The following IHO1 variants were observed in gnomAD, a reference collection of about 807,000 sequenced individuals.
The protein encoded by IHO1 is interactor of HORMAD1 protein 1.
Under a neutral mutation model 31.0 loss-of-function variants are expected in IHO1, and 13 were observed. The ratio of observed to expected loss-of-function variants is 0.42; its 90% CI spans 0.27 to 0.67. The LOEUF is 0.67. Among genes scored for constraint, IHO1 ranks in the 30% least tolerant of loss-of-function variants. The probability of loss-of-function intolerance (pLI) is 0.24; values close to 1 mark genes in which losing one functional copy is unlikely to be tolerated. For missense variants in IHO1, 599 were observed against 687.5 expected (o/e 0.87, Z 1.44); for synonymous variants, 221 against 248.4 (o/e 0.89, Z 1.04).
rs78286973 is a variant in IHO1, at chr3:49,249,876, G to A, written c.532+5143G>A. 1.3e-3 allele frequency among the ~76,000 whole-genome samples: 194 copies of A among 152,292 alleles called. 6 individuals are homozygous for A. The East Asian group carries it at 0.036, about 28-fold the overall frequency. ...GCACCTGAGGGAGAATAAAACTACAGAGTAAAAGGAAAATCACTGGCCATC... is the reference window on the plus strand; with the variant it reads ...GCACCTGAGGGAGAATAAAACTACAAAGTAAAAGGAAAATCACTGGCCATC... On this transcript the variant is annotated intron_variant, in intron 6 of 7. Coordinates refer to ENST00000452691, the MANE Select transcript of IHO1 (RefSeq NM_001135197.2).
Position 49,256,137 on chromosome 3 carries a change from CAAG to C in IHO1, c.641_643del (p.Gln214_Gly215delinsArg). The C allele has an allele frequency of 6.2e-7, 1 of 1,603,314 alleles. No individual in the cohort carries two copies. The highest frequency in any genetic ancestry group is 8.5e-7 in the Non-Finnish European group (1 of 1,174,662). On this transcript the variant is annotated inframe_deletion, in exon 8 of 8. Coordinates refer to ENST00000452691, the MANE Select transcript of IHO1 (RefSeq NM_001135197.2). The surrounding 1 kb of genome is among the most constrained non-coding windows in gnomAD (Gnocchi z 4.6). Reference sequence around the variant, plus strand: ...TTCTCACTGCCTCTCTCCCCAGAGACAAGGAGAGTTTATAGAAATGAAGTCCAA... The same window carrying C: ...TTCTCACTGCCTCTCTCCCCAGAGACGAGAGTTTATAGAAATGAAGTCCAA...
At chr3:49,203,080 G>A (rs2046091342) in intron 1 of IHO1, among the ~76,000 whole-genome samples, 1 of 151,790 alleles carries the variant, frequency 6.6e-6, no homozygotes, top group African/African-American at 2.4e-5. Context: ...TTGCCCAGGT[G>A]GGTCTTGAAC....
intron 6 of IHO1, chr3:49,245,251 A>G (rs1356165285): frequency 2.5e-5 from 4 of 159,080 alleles, no homozygotes; most frequent in Admixed American, 1.3e-4. Flanking sequence ...CAGTGGCGCA[A>G]TCTCGGCTCA....
At chr3:49,211,491 C>T (rs1006289817) in intron 1 of IHO1, among the ~76,000 whole-genome samples, 2 of 151,612 alleles carry the variant, frequency 1.3e-5, no homozygotes, top group Admixed American at 6.6e-5. Context: ...CAAAAATTAG[C>T]CAGGTGTGGT....
chr3:49,199,824 G>GACCTCCTATCCCA (rs1212861445), intron 1 of IHO1: 2 of 152,232 alleles, frequency 1.3e-5, no homozygotes, highest in African/African-American at 4.8e-5. Context: ...AGGGGTCCGC[G>GACCTCCTATCCCA]ACCTCCTATC....
chr3:49,196,740 A>G (rs1360454838), upstream of IHO1, among the ~76,000 whole-genome samples: 8 of 130,636 alleles, frequency 6.1e-5, no homozygotes, highest in East Asian at 5.0e-4. Context: ...GTGCGATCTC[A>G]GCTCACTGCA....
intron 3 of IHO1, among the ~76,000 whole-genome samples, chr3:49,241,018 A>G (rs2046624499): frequency 6.6e-6 from 1 of 152,350 alleles, no homozygotes; most frequent in East Asian, 1.9e-4. Context: ...CTGGGCTGGT[A>G]AGGCAAAAAT....
intron 2 of IHO1, among the ~76,000 whole-genome samples, chr3:49,223,104 C>T: frequency 6.6e-6 from 1 of 152,044 alleles, no homozygotes; most frequent in East Asian, 1.9e-4. Context: ...ATGTATTTGA[C>T]CAAGTTGGCC....
chr3:49,216,569 A>G (rs1287714809), intron 2 of IHO1, among the ~76,000 whole-genome samples: 1 of 152,248 alleles, frequency 6.6e-6, no homozygotes, highest in East Asian at 1.9e-4. Flanking sequence ...AATACCATTC[A>G]GGACATAGGC....
chr3:49,231,328 A>AT (rs913014449), intron 2 of IHO1, among the ~76,000 whole-genome samples: 1 of 152,238 alleles, frequency 6.6e-6, no homozygotes, highest in Non-Finnish European at 1.5e-5. Context: ...AACTGTTTCC[A>AT]TTTTTGAAAT....
chr3:49,232,977 A>G (rs1559446697), intron 2 of IHO1, among the ~76,000 whole-genome samples: 2 of 152,212 alleles, frequency 1.3e-5, no homozygotes, highest in Non-Finnish European at 2.9e-5. Context: ...TGAGGCATAC[A>G]GCCCTCAAAA....
chr3:49,255,300 C>A, intron 6 of IHO1, 90 bp from the exon 7 acceptor site: 1 of 860,426 alleles, frequency 1.2e-6, no homozygotes, highest in Non-Finnish European at 1.8e-6. Context: ...CCAGCTCCTC[C>A]CTTTTCACTG....
chr3:49,229,200 G>T (rs533755927), intron 2 of IHO1, among the ~76,000 whole-genome samples: 1 of 152,300 alleles, frequency 6.6e-6, no homozygotes, highest in African/African-American at 2.4e-5. Flanking sequence ...TAGCTAGACA[G>T]AAAAGTTCTC....
At chr3:49,192,047 C>G in the IHO1 span, among the ~76,000 whole-genome samples, 108 of 152,266 alleles carry the variant, frequency 7.1e-4, no homozygotes, top group Non-Finnish European at 1.3e-3. Context: ...ATGGTAGAGT[C>G]TAATGGATTC....
chr3:49,203,385 C>T (rs1338097068), intron 1 of IHO1, among the ~76,000 whole-genome samples: 1 of 152,044 alleles, frequency 6.6e-6, no homozygotes, highest in Admixed American at 6.6e-5. Context: ...TTACAGATGC[C>T]CCTGTAGGTA....
intron 4 of IHO1, among the ~76,000 whole-genome samples, chr3:49,243,403 C>T (rs1381337465): frequency 1.3e-5 from 2 of 152,008 alleles, no homozygotes; most frequent in Non-Finnish European, 2.9e-5. Context: ...CCTCAGCCTC[C>T]CAAAGTGATG....
chr3:49,239,663 ATT>A (rs1185572264), intron 3 of IHO1, among the ~76,000 whole-genome samples: 9 of 131,468 alleles, frequency 6.8e-5, no homozygotes, highest in South Asian at 2.4e-4. Context: ...GGCTCAAGGG[ATT>A]TTTTTTTTTT....
At chr3:49,239,317 C>T (rs1179634693) in intron 3 of IHO1, among the ~76,000 whole-genome samples, 1 of 149,658 alleles carries the variant, frequency 6.7e-6, no homozygotes, top group Non-Finnish European at 1.5e-5. Context: ...GGGAGCCTCA[C>T]TGTTGCCAGA....
At chr3:49,213,766 G>A (rs2046251920) in intron 2 of IHO1, among the ~76,000 whole-genome samples, 2 of 152,232 alleles carry the variant, frequency 1.3e-5, no homozygotes, top group Admixed American at 6.5e-5. Context: ...TGCCCACCTG[G>A]AACTCGAGCT....
Sources: allele counts gnomAD v4.1 joint callset (sites outside exome capture counted in the v4.1 genomes callset), GRCh38; gene constraint gnomAD v4.1.1; non-coding constraint Gnocchi (gnomAD v3.1); transcripts MANE v1.5; gene names NCBI Gene and HGNC (gene_info 2026-07-23, HGNC 2026-07-21).